PCDH15: variants seen among roughly 807,000 people sequenced by gnomAD.
PCDH15 encodes protocadherin-15.
Under a neutral mutation model 178.5 loss-of-function variants are expected in PCDH15, and 129 were observed. The ratio of observed to expected loss-of-function variants is 0.72; its 90% CI spans 0.63 to 0.84. The LOEUF is 0.84. Ranked by LOEUF, PCDH15 falls within the 40% of genes least tolerant of loss-of-function variation. PCDH15 has a pLI of 0.00. For missense variants in PCDH15, 2,230 were observed against 2,099.9 expected (o/e 1.06, Z -1.21); for synonymous variants, 800 against 732.0 (o/e 1.09, Z -1.50).
At chr10:54,869,343 T>C (rs1270509341) in intron 3 of PCDH15, among the ~76,000 whole-genome samples, 3 of 152,148 alleles carry the variant, frequency 2.0e-5, no homozygotes. Context: ...TTTGCCAACA[T>C]TATGATTTCA....
intron 2 of PCDH15, among the ~76,000 whole-genome samples, chr10:54,978,755 C>CA (rs1839142279): frequency 2.0e-5 from 3 of 152,104 alleles, no homozygotes; most frequent in Non-Finnish European, 2.9e-5. Flanking sequence ...ATTGGCCCCC[C>CA]TCAACATTCC....
chr10:54,868,640 T>A (rs1471877539), intron 3 of PCDH15, among the ~76,000 whole-genome samples: 1 of 152,192 alleles, frequency 6.6e-6, no homozygotes, highest in Non-Finnish European at 1.5e-5. Flanking sequence ...ACTTCTCTTC[T>A]TTGTACAGCA....
At chr10:55,053,574 C>G (rs978827769) in intron 2 of PCDH15, among the ~76,000 whole-genome samples, 1 of 152,152 alleles carries the variant, frequency 6.6e-6, no homozygotes, top group Non-Finnish European at 1.5e-5. Context: ...ATGCTGGGAT[C>G]TAACATGGTG....
chr10:54,066,871 T>C lies in PCDH15; in HGVS notation c.2106A>G (p.Thr702=), dbSNP rs1434559234. Residue 702 remains threonine, a synonymous_variant, in exon 18 of 38, where the codon ACA becomes ACG. Transcript: ENST00000644397. ...DGRPDGTSTA[T]VNIVVTDVND... is the part of the protein sequence containing the mutation. ...TGACATCTGTCACCACTATGTTTAC[T>C]GTGGCAGTTGAGGTCTTAAAGAAAA... The C allele has an allele frequency of 1.2e-6, 2 of 1,613,364 alleles. No individual in the cohort carries two copies. Among genetic ancestry groups the C allele is most frequent in the Admixed American group, 1.7e-5 (1 of 60,012 alleles).
chr10:54,452,871 C>A (rs542283208), intron 3 of PCDH15, among the ~76,000 whole-genome samples: 1 of 152,196 alleles, frequency 6.6e-6, no homozygotes, highest in Admixed American at 6.6e-5. Flanking sequence ...CATTTAGATG[C>A]TGTCCCCAGT....
At chr10:54,897,248 T>C (rs766595955) in intron 3 of PCDH15, among the ~76,000 whole-genome samples, 4 of 152,174 alleles carry the variant, frequency 2.6e-5, no homozygotes, top group Non-Finnish European at 5.9e-5. Flanking sequence ...CAGCAAATAG[T>C]GGACATCTCT....
chr10:54,696,751 G>T (rs1297232377), intron 1 of PCDH15, among the ~76,000 whole-genome samples: 1 of 151,316 alleles, frequency 6.6e-6, no homozygotes, highest in African/African-American at 2.4e-5. Context: ...CTTTATTTTA[G>T]CATGCCCATT....
intron 1 of PCDH15, among the ~76,000 whole-genome samples, chr10:55,203,999 C>A (rs1286857306): frequency 6.6e-6 from 1 of 151,684 alleles, no homozygotes; most frequent in East Asian, 1.9e-4. Context: ...TTGCATGAGT[C>A]CAGGAGTTTG....
intron 2 of PCDH15, among the ~76,000 whole-genome samples, chr10:55,396,000 A>G (rs1383299538): frequency 6.6e-6 from 1 of 152,202 alleles, no homozygotes; most frequent in Non-Finnish European, 1.5e-5. Flanking sequence ...CAAATGCTAT[A>G]TAAGCTAGCA....
In PCDH15 at chr10:55,137,623, T is replaced by C. The variant is rs894493949; in HGVS notation, c.-80+28953A>G. Among the ~76,000 whole-genome samples the C allele has an allele frequency of 5.3e-5, 8 of 150,712 alleles. No homozygotes were observed. In the Admixed American group the frequency reaches 5.3e-4, roughly 10 times the overall value. On this transcript the variant is annotated intron_variant, in intron 2 of 5. Transcript: ENST00000458638. The stretch of plus-strand genomic sequence containing the variant: ...GACAAATTTATTCAATTAAGATATA[T>C]TAATTAGTTGAAACAGGTCAAATAT...
At chr10:54,979,057 G>A (rs1839151820) in intron 2 of PCDH15, among the ~76,000 whole-genome samples, 1 of 152,016 alleles carries the variant, frequency 6.6e-6, no homozygotes, top group South Asian at 2.1e-4. Context: ...AATTTTATAG[G>A]TGAAGAAACA....
rs11004901 is a variant in PCDH15, at chr10:55,533,501, G to A, written c.-156+94124C>T. Among the ~76,000 whole-genome samples the A allele has an allele frequency of 2.3e-3, 351 of 151,978 alleles. 8 individuals are homozygous for A. The East Asian group carries it at 0.056, about 24-fold the overall frequency. On this transcript the variant is annotated intron_variant, in intron 2 of 5. Coordinates refer to the PCDH15 transcript ENST00000613346. ...AATAGCCGCAAATAAAATGAAATAC[G>A]TAGGAATACAGCTAATGAAGAAGGT...
chr10:54,202,812 C>CAAA (rs36086266), intron 10 of PCDH15, among the ~76,000 whole-genome samples: 26 of 106,128 alleles, frequency 2.4e-4, no homozygotes, highest in East Asian at 5.4e-4. Flanking sequence ...AACCCCACCT[C>CAAA]AAAAAAAAAA....
chr10:54,324,927 T>C (rs10509011), intron 7 of PCDH15, among the ~76,000 whole-genome samples: 99,885 of 151,806 alleles, frequency 0.66, 33,731 homozygotes, highest in Middle Eastern at 0.81. Flanking sequence ...GAGATTACTT[T>C]GATTCTATGT....
intron 1 of PCDH15, among the ~76,000 whole-genome samples, chr10:54,777,530 C>G (rs947499999): frequency 6.6e-6 from 1 of 152,176 alleles, no homozygotes; most frequent in Non-Finnish European, 1.5e-5. Context: ...ATAAAGCAGA[C>G]ATTCCCAACA....
At chr10:55,034,702 T>G (rs1840693888) in intron 2 of PCDH15, among the ~76,000 whole-genome samples, 1 of 152,190 alleles carries the variant, frequency 6.6e-6, no homozygotes, top group Admixed American at 6.5e-5. Context: ...ATTTAATTTC[T>G]AGAATGAAAC....
At chr10:55,198,632 C>A (rs1840159316) in intron 1 of PCDH15, among the ~76,000 whole-genome samples, 1 of 151,856 alleles carries the variant, frequency 6.6e-6, no homozygotes, top group Non-Finnish European at 1.5e-5. Flanking sequence ...GACTACAAGG[C>A]ACCCGCCACC....
chr10:54,109,710 T>A (rs2094980671), intron 15 of PCDH15, among the ~76,000 whole-genome samples: 1 of 152,148 alleles, frequency 6.6e-6, no homozygotes, highest in Non-Finnish European at 1.5e-5. Flanking sequence ...TGCAGGTTTA[T>A]GGGGGAAGTG....
intron 1 of PCDH15, among the ~76,000 whole-genome samples, chr10:55,275,465 T>C (rs1286286100): frequency 6.6e-6 from 1 of 151,980 alleles, no homozygotes; most frequent in Non-Finnish European, 1.5e-5. Context: ...GCTATGGGTT[T>C]TGTTTTTTCC....
Sources: allele counts gnomAD v4.1 joint callset (sites outside exome capture counted in the v4.1 genomes callset), GRCh38; gene constraint gnomAD v4.1.1; transcripts MANE v1.5; gene names NCBI Gene and HGNC (gene_info 2026-07-23, HGNC 2026-07-21).